Variants in CHMP1A observed in about 807,000 individuals in gnomAD.
CHMP1A encodes charged multivesicular body protein 1A.
In CHMP1A, 17 loss-of-function variants were observed where a neutral mutation model predicts 27.0. That is an observed-to-expected ratio of 0.63 (90% confidence interval 0.43 to 0.95). The LOEUF (loss-of-function observed/expected upper bound fraction) is 0.95. Among genes scored for constraint, CHMP1A ranks in the 40% least tolerant of loss-of-function variants. The pLI is 0.00. For missense variants in CHMP1A, 275 were observed against 264.0 expected (o/e 1.04, Z -0.29); for synonymous variants, 131 against 107.5 (o/e 1.22, Z -1.35).
At position 89,651,661 on chromosome 16, in the gene CHMP1A, G is replaced by T. The variant is rs1403728017; in HGVS notation, c.28-15C>A. The T allele has an allele frequency of 1.2e-6, 2 of 1,613,104 alleles. No homozygotes were observed. Among genetic ancestry groups the T allele is most frequent in the Non-Finnish European group, 1.7e-6 (2 of 1,179,700 alleles). On this transcript the variant is annotated splice_polypyrimidine_tract_variant and intron_variant, in intron 2 of 6. Coordinates refer to ENST00000397901, the MANE Select transcript of CHMP1A (RefSeq NM_002768.5). ...TTCGCCGTGAACTGAGCGGAAGCCG[G>T]AATGTCCTGGGTCAGACATGCGGAG...
intron 1 of CHMP1A, 117 bp downstream of exon 1, chr16:89,657,465 C>G (rs2059893665): frequency 9.1e-6 from 12 of 1,325,372 alleles, no homozygotes; most frequent in East Asian, 7.9e-5. Context: ...GATCGACGGT[C>G]GAGGCCCGAG....
At position 89,653,931 on chromosome 16, in the gene CHMP1A, G is replaced by C; in HGVS notation, c.8-8C>G. The C allele has an allele frequency of 6.2e-7, 1 of 1,613,476 alleles. No individual in the cohort carries two copies. The highest frequency in any genetic ancestry group is 2.2e-5 in the East Asian group (1 of 44,884). On this transcript the variant is annotated splice_region_variant and splice_polypyrimidine_tract_variant and intron_variant, in intron 1 of 6. Coordinates refer to ENST00000397901, the MANE Select transcript of CHMP1A (RefSeq NM_002768.5). ...TCAACTGGAACAGGGTATCTGCAAA[G>C]AAAGAGGGAATTAATGGTTTGAGGA...
intron 2 of CHMP1A, 26 bp downstream of exon 2, chr16:89,653,878 G>C (rs766270425): frequency 6.2e-7 from 1 of 1,610,610 alleles, no homozygotes. Flanking sequence ...GAACAGGGCT[G>C]GGGTGAACGG....
At chr16:89,649,264 C>CT in intron 4 of CHMP1A, 87 bp downstream of exon 4, 1 of 1,516,458 alleles carries the variant, frequency 6.6e-7, no homozygotes, top group Admixed American at 1.9e-5. Flanking sequence ...TCCGTCAACT[C>CT]TGAGCTGCCC....
At chr16:89,655,337 G>C (rs946003994) in intron 1 of CHMP1A, among the ~76,000 whole-genome samples, 1 of 152,114 alleles carries the variant, frequency 6.6e-6, no homozygotes, top group Admixed American at 6.6e-5. Context: ...ACTCACTGTG[G>C]GATGCTGGCC....
chr16:89,655,818 G>A (rs1396103811), intron 1 of CHMP1A, among the ~76,000 whole-genome samples: 1 of 152,158 alleles, frequency 6.6e-6, no homozygotes, highest in African/African-American at 2.4e-5. Context: ...AAGAGACGGG[G>A]TTTCACCATG....
Position 89,646,722 on chromosome 16 carries a change from C to A in CHMP1A, c.382-8G>T, listed in dbSNP as rs116634240. The A allele has an allele frequency of 2.2e-3, 3,555 of 1,606,244 alleles. 68 individuals carry two copies. In the African/African-American group the frequency reaches 0.043, roughly 19 times the overall value. On this transcript the variant is annotated splice_region_variant and splice_polypyrimidine_tract_variant and intron_variant, in intron 5 of 6. Transcript: ENST00000397901. ...CATGGAGTCCTCCATCACCTGGGGG[C>A]AGGGGCATGCTCTGGACAACAGGTG...
At position 89,646,659 on chromosome 16, in the gene CHMP1A, A is replaced by C. The variant is rs1597784689; in HGVS notation, c.437T>G (p.Val146Gly). Residue 146 changes from valine to glycine, a missense_variant, in exon 6 of 7, where the codon GTG (valine) becomes GGG (glycine). Transcript: ENST00000397901. ...GGCGATCTGCATGATGAGGCTGTCC[A>C]CCTGCTCCTGCGGCGTGGTCAGGGT... is the stretch of plus-strand genomic sequence containing the variant. ...ATTLTTPQEQ[V>G]DSLIMQIAEE... 4 of 1,610,752 alleles carry C rather than the reference A, an allele frequency of 2.5e-6. No individual in the cohort carries two copies. Among genetic ancestry groups the C allele is most frequent in the Non-Finnish European group, 2.5e-6 (3 of 1,179,084 alleles).
chr16:89,655,316 C>A (rs1004740326), intron 1 of CHMP1A, among the ~76,000 whole-genome samples: 2 of 152,198 alleles, frequency 1.3e-5, no homozygotes, highest in Non-Finnish European at 2.9e-5. Flanking sequence ...CCAGGCGGGC[C>A]GTCCCACCCA....
At chr16:89,653,244 G>A (rs1240803402) in intron 2 of CHMP1A, among the ~76,000 whole-genome samples, 2 of 148,952 alleles carry the variant, frequency 1.3e-5, no homozygotes, top group African/African-American at 4.9e-5. Flanking sequence ...TCCTGACCTT[G>A]TGATCCACCC....
intron 5 of CHMP1A, 95 bp from the exon 6 acceptor site, chr16:89,646,809 C>T: frequency 1.5e-6 from 2 of 1,342,050 alleles, no homozygotes; most frequent in Non-Finnish European, 2.1e-6. Flanking sequence ...TTCGTTCCCT[C>T]ACACAGCCAG....
chr16:89,646,116 G>T (rs1180209178), intron 6 of CHMP1A, 29 bp from the exon 7 acceptor site: 1 of 1,522,252 alleles, frequency 6.6e-7, no homozygotes, highest in Non-Finnish European at 8.8e-7. Context: ...ACTCGGGTCA[G>T]GGCAGGGGAA....
chr16:89,653,316 GTCTT>G (rs2059839394), intron 2 of CHMP1A, among the ~76,000 whole-genome samples: 1 of 144,410 alleles, frequency 6.9e-6, no homozygotes, highest in Non-Finnish European at 1.5e-5. Context: ...GCCCCAAGTT[GTCTT>G]TCTTAAGATA....
In CHMP1A at chr16:89,649,630, C is replaced by G. The variant is rs2059808550; in HGVS notation, c.106-133G>C. On this transcript the variant is annotated intron_variant, in intron 3 of 6. Coordinates refer to ENST00000397901, the MANE Select transcript of CHMP1A (RefSeq NM_002768.5). ...TTGCTCTGTTGCCCAGGCTGGAGTG[C>G]AGTGGCACGATCTCGACTCAACGCA... The G allele has an allele frequency of 2.8e-6, 3 of 1,055,496 alleles. No homozygotes were observed. In the South Asian group the frequency reaches 4.3e-5, roughly 15 times the overall value. 65.4% of individuals were successfully genotyped at this position (1,055,496 alleles called of 1,614,324 possible). A position where few individuals can be genotyped will look rare whatever the true frequency, so the allele number is the denominator to read the frequency against.
chr16:89,645,757 A>G lies in CHMP1A; in HGVS notation c.*309T>C. The G allele has an allele frequency of 1.6e-6, 1 of 621,864 alleles. No homozygotes were observed. Among genetic ancestry groups the G allele is most frequent in the Non-Finnish European group, 2.5e-6 (1 of 392,644 alleles). The allele number at this position is 621,864 out of a possible 1,614,324, so 38.5% of individuals were successfully genotyped here. ...GGAAGCAGCATGTCTGCTGCCCCAG[A>G]GTCTGAAGGCCCCCACAGTGCTGGG... is the stretch of plus-strand genomic sequence containing the variant. On this transcript the variant is annotated 3_prime_UTR_variant, in exon 7 of 7. Coordinates refer to ENST00000397901, the MANE Select transcript of CHMP1A (RefSeq NM_002768.5).
intron 1 of CHMP1A, among the ~76,000 whole-genome samples, chr16:89,657,328 G>A (rs1390114946): frequency 6.7e-6 from 1 of 149,648 alleles, no homozygotes; most frequent in African/African-American, 2.5e-5. Flanking sequence ...GACGAGGCTC[G>A]GGAAAAGGGG....
Position 89,646,714 on chromosome 16 carries a change from C to T in CHMP1A, c.382G>A (p.Val128Met), listed in dbSNP as rs1445773760. The change falls in exon 6 of 7, where the codon GTG becomes ATG. Residue 128 changes from valine to methionine, a missense_variant and splice_region_variant. Val to Met is a conservative substitution (Grantham distance 21). Transcript: ENST00000397901. ...GCCGAGCTCATGGAGTCCTCCATCA[C>T]CTGGGGGCAGGGGCATGCTCTGGAC... is the stretch of plus-strand genomic sequence containing the variant. ...QVQNLDVHTS[V>M]MEDSMSSATT... 1 of 1,608,008 alleles carries T rather than the reference C, an allele frequency of 6.2e-7. No individual in the cohort carries two copies. Among genetic ancestry groups the T allele is most frequent in the Admixed American group, 1.7e-5 (1 of 59,316 alleles).
intron 3 of CHMP1A, 73 bp downstream of exon 3, chr16:89,651,496 C>T (rs1271761128): frequency 1.4e-6 from 2 of 1,442,774 alleles, no homozygotes; most frequent in Non-Finnish European, 1.9e-6. Context: ...CAAAACAGGA[C>T]ACAAAAATAA....
chr16:89,650,167 C>G (rs1418484464), intron 3 of CHMP1A, among the ~76,000 whole-genome samples: 4 of 152,166 alleles, frequency 2.6e-5, no homozygotes, highest in Non-Finnish European at 5.9e-5. Flanking sequence ...GCACAAGATC[C>G]TACCTTCTTT....
Sources: allele counts gnomAD v4.1 joint callset (sites outside exome capture counted in the v4.1 genomes callset), GRCh38; gene constraint gnomAD v4.1.1; transcripts MANE v1.5; gene names NCBI Gene and HGNC (gene_info 2026-07-23, HGNC 2026-07-21).